GPC5: variants seen among roughly 807,000 people sequenced by gnomAD.
GPC5 encodes the protein glypican 5, also known as glypican-5.
GPC5 carries 47 observed loss-of-function variants against 53.9 expected under a neutral mutation model. The observed-to-expected ratio is 0.87, with a 90% CI of 0.69 to 1.11. The LOEUF is 1.11. Ranked by LOEUF, GPC5 falls within the 50% of genes most tolerant of loss-of-function variation. The pLI is 0.00. For missense variants in GPC5, 748 were observed against 713.1 expected, an observed-to-expected ratio of 1.05 and a Z score of -0.56; for synonymous variants, 286 against 263.3, an observed-to-expected ratio of 1.09 and a Z score of -0.84.
At chr13:92,444,079 G>A (rs151016545) in intron 7 of GPC5, among the ~76,000 whole-genome samples, 174 of 152,266 alleles carry the variant, frequency 1.1e-3, no homozygotes, top group African/African-American at 4.0e-3. Flanking sequence ...TCGACCTGCC[G>A]TGTGGTTCAA....
At chr13:92,543,268 A>G (rs189919633) in intron 7 of GPC5, among the ~76,000 whole-genome samples, 9 of 151,786 alleles carry the variant, frequency 5.9e-5, no homozygotes, top group Non-Finnish European at 1.2e-4. Flanking sequence ...TAAGTTCTCA[A>G]TTGTGTGTTT....
intron 7 of GPC5, among the ~76,000 whole-genome samples, chr13:92,783,430 T>A (rs940685739): frequency 6.6e-6 from 1 of 152,212 alleles, no homozygotes; most frequent in Non-Finnish European, 1.5e-5. Context: ...CTAGGGATGG[T>A]CACAGTAATG....
intron 7 of GPC5, among the ~76,000 whole-genome samples, chr13:92,525,437 A>AGTGTGTGT (rs34946580): frequency 0.066 from 8,998 of 136,514 alleles, 406 homozygotes; most frequent in East Asian, 0.2. Flanking sequence ...GATAGATTCA[A>AGTGTGTGT]GTGTGTGTGT....
intron 5 of GPC5, among the ~76,000 whole-genome samples, chr13:91,837,657 A>C (rs962246278): frequency 1.3e-5 from 2 of 152,180 alleles, no homozygotes; most frequent in Non-Finnish European, 2.9e-5. Context: ...GCTGTCATTT[A>C]ACTTTTCAAC....
intron 7 of GPC5, among the ~76,000 whole-genome samples, chr13:92,864,828 T>C (rs1879290981): frequency 6.6e-6 from 1 of 152,186 alleles, no homozygotes; most frequent in Non-Finnish European, 1.5e-5. Flanking sequence ...AGTGCTCTCA[T>C]GTCTGAATGC....
intron 2 of GPC5, among the ~76,000 whole-genome samples, chr13:91,533,837 C>CA (rs1886463138): frequency 1.3e-5 from 2 of 152,136 alleles, no homozygotes; most frequent in Non-Finnish European, 2.9e-5. Flanking sequence ...GAGCCATCTA[C>CA]AACATACTCC....
At chr13:92,307,471 A>T (rs2043118368) in intron 7 of GPC5, among the ~76,000 whole-genome samples, 1 of 152,204 alleles carries the variant, frequency 6.6e-6, no homozygotes. Flanking sequence ...AAAAGAAAAG[A>T]AAGAAAGAAA....
chr13:91,606,770 C>T (rs1295228322), intron 2 of GPC5, among the ~76,000 whole-genome samples: 1 of 152,128 alleles, frequency 6.6e-6, no homozygotes, highest in Non-Finnish European at 1.5e-5. Context: ...TCCCTGATGG[C>T]AGTTTGTATT....
At chr13:91,753,559 A>G (rs1410534864) in intron 4 of GPC5, among the ~76,000 whole-genome samples, 1 of 151,784 alleles carries the variant, frequency 6.6e-6, no homozygotes, top group Non-Finnish European at 1.5e-5. Flanking sequence ...CTGCTTTTCT[A>G]CTCCCAAGTT....
intron 7 of GPC5, among the ~76,000 whole-genome samples, chr13:92,574,508 G>GA: frequency 6.6e-6 from 1 of 152,264 alleles, no homozygotes; most frequent in South Asian, 2.1e-4. Flanking sequence ...TGAACTATCA[G>GA]AAAAATATTC....
Position 91,442,922 on chromosome 13 carries a change from G to A in GPC5, c.164-5839G>A, listed in dbSNP as rs1475646688. Among the ~76,000 whole-genome samples the A allele has an allele frequency of 4.6e-5, 7 of 152,052 alleles. 1 individual carries two copies. Among genetic ancestry groups the A allele is most frequent in the African/African-American group, 1.4e-4 (6 of 41,508 alleles). Reference sequence around the variant, plus strand: ...CCATCTGCTGTTTGATTATTTACTGGTACAGTTCATATCCAAAAGGAAGGA... The same window carrying A: ...CCATCTGCTGTTTGATTATTTACTGATACAGTTCATATCCAAAAGGAAGGA... On this transcript the variant is annotated intron_variant, in intron 1 of 7. Coordinates refer to ENST00000377067, the MANE Select transcript of GPC5 (RefSeq NM_004466.6).
At chr13:92,342,356 G>T (rs535309465) in intron 7 of GPC5, among the ~76,000 whole-genome samples, 1 of 152,052 alleles carries the variant, frequency 6.6e-6, no homozygotes, top group East Asian at 1.9e-4. Flanking sequence ...TGTCTGCTAC[G>T]GTCTAAATGT....
chr13:92,635,357 C>T (rs1464172026), intron 7 of GPC5, among the ~76,000 whole-genome samples: 5 of 152,100 alleles, frequency 3.3e-5, no homozygotes, highest in Non-Finnish European at 5.9e-5. Context: ...TTTATTGGCT[C>T]ATATTTCTGG....
At chr13:92,623,742 T>C (rs1214688336) in intron 7 of GPC5, among the ~76,000 whole-genome samples, 1 of 151,932 alleles carries the variant, frequency 6.6e-6, no homozygotes, top group South Asian at 2.1e-4. Context: ...AAAATAGTTT[T>C]CAAATTAAAA....
At chr13:92,170,209 A>G (rs906483203) in intron 7 of GPC5, among the ~76,000 whole-genome samples, 1 of 151,746 alleles carries the variant, frequency 6.6e-6, no homozygotes. Flanking sequence ...TCTAGTTTCT[A>G]TGTTTATATT....
At chr13:92,350,741 A>T (rs1296863920) in intron 7 of GPC5, among the ~76,000 whole-genome samples, 1 of 152,208 alleles carries the variant, frequency 6.6e-6, no homozygotes, top group Non-Finnish European at 1.5e-5. Flanking sequence ...GCTTAATTTT[A>T]TTACACGTTG....
At chr13:91,672,247 T>A (rs2035267377) in intron 2 of GPC5, among the ~76,000 whole-genome samples, 4 of 152,052 alleles carry the variant, frequency 2.6e-5, no homozygotes, top group Admixed American at 6.6e-5. Context: ...AAAAATGGGA[T>A]CTAATTAAAG....
chr13:92,278,435 T>C (rs1305405329), intron 7 of GPC5, among the ~76,000 whole-genome samples: 4 of 152,032 alleles, frequency 2.6e-5, no homozygotes, highest in African/African-American at 9.7e-5. Flanking sequence ...ATTAAAAATA[T>C]TACTTGATTC....
chr13:92,529,196 T>G (rs1205573741), intron 7 of GPC5, among the ~76,000 whole-genome samples: 1 of 152,104 alleles, frequency 6.6e-6, no homozygotes, highest in Non-Finnish European at 1.5e-5. Flanking sequence ...CAGTTAAAAT[T>G]TTGCCTTCCT....
Sources: allele counts gnomAD v4.1 joint callset (sites outside exome capture counted in the v4.1 genomes callset), GRCh38; gene constraint gnomAD v4.1.1; transcripts MANE v1.5; gene names NCBI Gene and HGNC (gene_info 2026-07-23, HGNC 2026-07-21).